The following MTSS1 variants were observed in gnomAD, a reference collection of about 807,000 sequenced individuals.
MTSS1 encodes the protein protein MTSS 1.
In MTSS1, 18 loss-of-function variants were observed where a neutral mutation model predicts 79.0. That is an observed-to-expected ratio of 0.23 (90% CI 0.16 to 0.34). The LOEUF is 0.34. MTSS1 is among the 10% of genes least tolerant of loss of function. MTSS1 has a pLI of 1.00. For missense variants in MTSS1, 815 were observed against 986.2 expected, an observed-to-expected ratio of 0.83 and a Z score of 2.33; for synonymous variants, 341 against 368.6, an observed-to-expected ratio of 0.93 and a Z score of 0.86.
At chr8:124,628,106 G>A (rs2133739039) in intron 3 of MTSS1, among the ~76,000 whole-genome samples, 1 of 152,320 alleles carries the variant, frequency 6.6e-6, no homozygotes, top group Non-Finnish European at 1.5e-5. Flanking sequence ...GATGGAGGTT[G>A]CAGTGAGCTG....
chr8:124,594,452 C>T (rs1205218187), intron 3 of MTSS1, among the ~76,000 whole-genome samples: 1 of 152,138 alleles, frequency 6.6e-6, no homozygotes, highest in Non-Finnish European at 1.5e-5. Flanking sequence ...ATCGCTTGAA[C>T]CCAGGAGGTG....
chr8:124,693,624 G>A (rs926309128), intron 3 of MTSS1, among the ~76,000 whole-genome samples: 6 of 152,178 alleles, frequency 3.9e-5, no homozygotes, highest in African/African-American at 1.2e-4. Context: ...ACCAGCCTTC[G>A]ATGCCTGTCC....
At position 124,550,875 on chromosome 8, in the gene MTSS1, C is replaced by A. The variant is rs1465482640; in HGVS notation, c.*2117G>T. On this transcript the variant is annotated 3_prime_UTR_variant, in exon 14 of 14. Transcript: ENST00000518547. ...ACACATTACACAATTGTTATTTATA[C>A]AAGTTTAGAACAAAAAACTGCACAG... The A allele has an allele frequency of 2.0e-5, 3 of 152,570 alleles. No homozygotes were observed. Among genetic ancestry groups the A allele is most frequent in the Non-Finnish European group, 4.4e-5 (3 of 68,020 alleles). 9.5% of individuals were successfully genotyped at this position (152,570 alleles called of 1,614,324 possible).
chr8:124,568,596 C>T (rs938243827), intron 6 of MTSS1, 60 bp from the exon 7 acceptor site: 2 of 1,608,580 alleles, frequency 1.2e-6, no homozygotes, highest in African/African-American at 2.7e-5. Context: ...GAACAAGTGC[C>T]CCTCCTCCCT....
intron 3 of MTSS1, among the ~76,000 whole-genome samples, chr8:124,638,728 A>G (rs369197747): frequency 9.8e-5 from 15 of 152,334 alleles, no homozygotes; most frequent in East Asian, 9.6e-4. Context: ...AGTAACACCC[A>G]TCACAGACGC....
chr8:124,621,385 G>A (rs1330814139), intron 3 of MTSS1, among the ~76,000 whole-genome samples: 2 of 152,222 alleles, frequency 1.3e-5, no homozygotes, highest in African/African-American at 4.8e-5. Context: ...CAGCTCCCCA[G>A]GAGGGAGAGG....
intron 3 of MTSS1, among the ~76,000 whole-genome samples, chr8:124,605,239 G>A (rs936679965): frequency 1.3e-5 from 2 of 152,182 alleles, no homozygotes; most frequent in African/African-American, 4.8e-5. Flanking sequence ...CTGAAGCCAG[G>A]TCTGAGCGAC....
intron 9 of MTSS1, among the ~76,000 whole-genome samples, chr8:124,565,021 G>A (rs981070233): frequency 1.3e-5 from 2 of 152,198 alleles, no homozygotes; most frequent in Non-Finnish European, 2.9e-5. Flanking sequence ...ATCTTTCAAG[G>A]AGAGGAAAAG....
chr8:124,568,278 G>A (rs1826961744), intron 7 of MTSS1, 101 bp downstream of exon 7: 2 of 1,370,658 alleles, frequency 1.5e-6, no homozygotes, highest in Non-Finnish European at 2.0e-6. Flanking sequence ...CATGATTCCT[G>A]ACAGTAGATT....
intron 8 of MTSS1, 124 bp from the exon 9 acceptor site, chr8:124,565,883 T>C (rs1826310400): frequency 2.9e-6 from 2 of 683,958 alleles, no homozygotes; most frequent in African/African-American, 3.6e-5. Flanking sequence ...AAGCAAAACA[T>C]GTTAAAAAAA....
intron 3 of MTSS1, among the ~76,000 whole-genome samples, chr8:124,633,693 C>A (rs536597972): frequency 6.6e-6 from 1 of 151,906 alleles, no homozygotes; most frequent in African/African-American, 2.4e-5. Context: ...TCACTTGAAC[C>A]CAGGAGGCGG....
At chr8:124,711,032 G>A (rs113066100) in intron 1 of MTSS1, among the ~76,000 whole-genome samples, 12 of 152,336 alleles carry the variant, frequency 7.9e-5, no homozygotes, top group African/African-American at 2.6e-4. Context: ...AAATCAAGCC[G>A]TGGGGTATAT....
intron 3 of MTSS1, among the ~76,000 whole-genome samples, chr8:124,687,324 G>C (rs968862821): frequency 7.2e-5 from 11 of 152,164 alleles, no homozygotes; most frequent in African/African-American, 2.7e-4. Context: ...AGGAGGTTGG[G>C]TGGTGCGTTT....
At chr8:124,695,702 C>T (rs940382372) in intron 3 of MTSS1, among the ~76,000 whole-genome samples, 1 of 152,008 alleles carries the variant, frequency 6.6e-6, no homozygotes, top group Non-Finnish European at 1.5e-5. Context: ...TCCATTTGGC[C>T]GCTAGAAAGA....
At chr8:124,704,293 A>C in intron 1 of MTSS1, 102 bp from the exon 2 acceptor site, 1 of 1,012,196 alleles carries the variant, frequency 9.9e-7, no homozygotes, top group Non-Finnish European at 1.6e-6. Flanking sequence ...CAATCTGTGT[A>C]TGTTCTCTTC....
In MTSS1 at chr8:124,553,527, C is replaced by T. The variant is rs183644518; in HGVS notation, c.1733G>A (p.Gly578Glu). 159 of 1,614,028 alleles carry T rather than the reference C, an allele frequency of 9.9e-5. No individual in the cohort carries two copies. The highest frequency in any genetic ancestry group is 1.2e-4 in the Non-Finnish European group (147 of 1,180,006). Residue 578 changes from glycine to glutamate, a missense_variant, in exon 14 of 14, where the codon GGA (glycine) becomes GAA (glutamate). Coordinates refer to ENST00000518547, the MANE Select transcript of MTSS1 (RefSeq NM_014751.6). This position sits in a 1 kb window ranked among gnomAD's most constrained non-coding sequence, Gnocchi z 6.0. ...ASTAGLPTTLGPAMVTPGVAT... is the reference protein window; with the variant it reads ...ASTAGLPTTLEPAMVTPGVAT... ...AACCCCTGGAGTGACCATAGCAGGTCCCAGGGTGGTGGGGAGGCCAGCAGT... is the reference window on the plus strand; with the variant it reads ...AACCCCTGGAGTGACCATAGCAGGTTCCAGGGTGGTGGGGAGGCCAGCAGT...
At chr8:124,573,043 G>A (rs936568227) in intron 6 of MTSS1, among the ~76,000 whole-genome samples, 5 of 152,152 alleles carry the variant, frequency 3.3e-5, no homozygotes, top group African/African-American at 1.2e-4. Context: ...CACCACACCC[G>A]GCTGTGGATT....
chr8:124,554,384 GTGCCCACTAGA>G lies in MTSS1; in HGVS notation c.1568-703_1568-693del, dbSNP rs141316328. On this transcript the variant is annotated intron_variant, in intron 13 of 13. Coordinates refer to ENST00000518547, the MANE Select transcript of MTSS1 (RefSeq NM_014751.6). The stretch of plus-strand genomic sequence containing the variant: ...GATGTTTAAGCAATATCCCTGCCCT[GTGCCCACTAGA>G]TGCCAATAGTACCCCTCCAGTTGTG... Among the ~76,000 whole-genome samples, 232 of 152,246 alleles carry G rather than the reference GTGCCCACTAGA, an allele frequency of 1.5e-3. 4 individuals carry two copies. In the East Asian group the frequency reaches 0.042, roughly 27 times the overall value.
At chr8:124,565,791 G>A in intron 8 of MTSS1, 32 bp from the exon 9 acceptor site, 1 of 1,537,530 alleles carries the variant, frequency 6.5e-7, no homozygotes, top group Non-Finnish European at 9.0e-7. Context: ...GGTGAATGAG[G>A]TGCTGAGAGG....
Sources: gnomAD v4.1 joint callset for allele counts (sites outside exome capture counted in the v4.1 genomes callset) on GRCh38, gnomAD v4.1.1 for gene constraint, Gnocchi (gnomAD v3.1) non-coding constraint, MANE v1.5 for transcripts, NCBI Gene and HGNC (gene_info 2026-07-23, HGNC 2026-07-21) for gene names.